The following PLEKHB1 variants were observed in gnomAD, a reference collection of about 807,000 sequenced individuals.
PLEKHB1 encodes pleckstrin homology domain containing B1.
Under a neutral mutation model 36.2 loss-of-function variants are expected in PLEKHB1, and 29 were observed. The ratio of observed to expected loss-of-function variants is 0.80; its 90% CI spans 0.60 to 1.09. The LOEUF (loss-of-function observed/expected upper bound fraction) is 1.09. PLEKHB1 is among the 50% of genes least tolerant of loss of function. The pLI, the probability that PLEKHB1 is intolerant of heterozygous loss-of-function variation, is 0.00. For missense variants in PLEKHB1, 330 were observed against 348.2 expected (o/e 0.95, Z 0.42); for synonymous variants, 138 against 140.0 (o/e 0.99, Z 0.10).
At position 73,662,140 on chromosome 11, in the gene PLEKHB1, A is replaced by G. The variant is rs1945139409; in HGVS notation, c.*538A>G. ...GTGAACGTCATGGCATGTCCAAGGA[A>G]TTAAATGGGAGTTCATTTGGGCTGG... On this transcript the variant is annotated 3_prime_UTR_variant, in exon 8 of 8. Transcript: ENST00000354190. The G allele has an allele frequency of 6.5e-6, 1 of 152,742 alleles. No individual in the cohort carries two copies. Among genetic ancestry groups the G allele is most frequent in the South Asian group, 2.1e-4 (1 of 4,846 alleles). 9.5% of individuals were successfully genotyped at this position (152,742 alleles called of 1,614,324 possible).
At chr11:73,660,322 ATCCTTCCTTTCCCT>A in intron 6 of PLEKHB1, 1 of 179,676 alleles carries the variant, frequency 5.6e-6, no homozygotes, top group Non-Finnish European at 1.2e-5. Context: ...TCTCATCCCT[ATCCTTCCTTTCCCT>A]TCCTTCCTCC....
At chr11:73,649,219 T>A in intron 2 of PLEKHB1, 132 bp downstream of exon 2, 1 of 1,149,210 alleles carries the variant, frequency 8.7e-7, no homozygotes, top group South Asian at 1.6e-5. Flanking sequence ...CTCTTCCCTC[T>A]GCCTGAAGGT....
intron 6 of PLEKHB1, 44 bp from the exon 7 acceptor site, chr11:73,660,709 G>A: frequency 6.5e-7 from 1 of 1,545,058 alleles, no homozygotes; most frequent in East Asian, 2.4e-5. Flanking sequence ...GACCAAATCC[G>A]GGCCAGGGAG....
chr11:73,650,340 G>A (rs947833945), intron 2 of PLEKHB1, among the ~76,000 whole-genome samples: 5 of 152,208 alleles, frequency 3.3e-5, no homozygotes, highest in African/African-American at 7.2e-5. Flanking sequence ...TGTTCAGCAC[G>A]TGTATCGAGC....
intron 1 of PLEKHB1, chr11:73,648,638 T>C (rs1303175695): frequency 9.9e-7 from 1 of 1,014,762 alleles, no homozygotes; most frequent in Non-Finnish European, 1.2e-6. Context: ...GTCAGGCATA[T>C]TCTAATGTTT....
Position 73,661,897 on chromosome 11 carries a change from TACG to T in PLEKHB1, c.*298_*300del, listed in dbSNP as rs1945133157. The T allele has an allele frequency of 8.3e-6, 3 of 360,474 alleles. No homozygotes were observed. Among genetic ancestry groups the T allele is most frequent in the Admixed American group, 8.5e-5 (2 of 23,466 alleles). 22.3% of individuals were successfully genotyped at this position (360,474 alleles called of 1,614,324 possible). ...TCTAAACACAACAGGGCACAGCAAA[TACG>T]ACTTCATTTGGCTTCGAGTTCCCCA... On this transcript the variant is annotated 3_prime_UTR_variant, in exon 8 of 8. Coordinates refer to ENST00000354190, the MANE Select transcript of PLEKHB1 (RefSeq NM_021200.3). This position sits in a 1 kb window ranked among gnomAD's most constrained non-coding sequence, Gnocchi z 4.6.
chr11:73,648,547 T>C (rs1944816672), intron 1 of PLEKHB1: 1 of 874,602 alleles, frequency 1.1e-6, no homozygotes, highest in South Asian at 5.2e-5. Flanking sequence ...ATTGCCGTGA[T>C]TCTAATATTC....
intron 3 of PLEKHB1, chr11:73,651,516 TCACAGCAAATCTC>T (rs1944892351): frequency 3.2e-6 from 2 of 624,062 alleles, no homozygotes; most frequent in Admixed American, 4.2e-5. Flanking sequence ...TGGCCCAGAG[TCACAGCAAATCTC>T]CACATTCCTC....
At chr11:73,652,878 C>T in intron 4 of PLEKHB1, 97 bp from the exon 5 acceptor site, 1 of 1,058,762 alleles carries the variant, frequency 9.4e-7, no homozygotes, top group African/African-American at 1.6e-5. Context: ...GAGACTTGGG[C>T]TTGAGGCTGG....
intron 1 of PLEKHB1, chr11:73,648,794 C>G (rs1033766800): frequency 1.5e-6 from 2 of 1,311,998 alleles, no homozygotes; most frequent in Admixed American, 7.0e-5. Context: ...GGTCCCCACC[C>G]CCACCCCACA....
chr11:73,661,725 C>T lies in PLEKHB1; in HGVS notation c.*123C>T. The T allele has an allele frequency of 1.6e-6, 2 of 1,283,232 alleles. No homozygotes were observed. The highest frequency in any genetic ancestry group is 2.9e-5 in the South Asian group (2 of 68,430). The allele number at this position is 1,283,232 out of a possible 1,614,324, so 79.5% of individuals were successfully genotyped here. A position where few individuals can be genotyped will look rare whatever the true frequency, so the allele number is the denominator to read the frequency against. ...GCCCTATCCTCTCCATTAGCTCCTT[C>T]CGGGTTTGGACCATTCCCCCCACTC... On this transcript the variant is annotated 3_prime_UTR_variant, in exon 8 of 8. Coordinates refer to ENST00000354190, the MANE Select transcript of PLEKHB1 (RefSeq NM_021200.3). The surrounding 1 kb of genome is among the most constrained non-coding windows in gnomAD (Gnocchi z 4.6).
At chr11:73,651,462 C>G (rs1461184325) in intron 3 of PLEKHB1, 1 of 531,316 alleles carries the variant, frequency 1.9e-6, no homozygotes, top group Admixed American at 2.2e-5. Context: ...GCGCTCGGTA[C>G]TGGATGAAGA....
intron 1 of PLEKHB1, chr11:73,647,642 C>T (rs1944793161): frequency 2.0e-6 from 2 of 985,264 alleles, no homozygotes; most frequent in African/African-American, 1.7e-5. Flanking sequence ...GCCCCAGGCT[C>T]TCCGGGGCAC....
At chr11:73,652,059 C>G in intron 4 of PLEKHB1, 169 bp downstream of exon 4, 1 of 620,948 alleles carries the variant, frequency 1.6e-6, no homozygotes, top group Non-Finnish European at 2.8e-6. Context: ...CTTGTGGTGA[C>G]TGGCATGGCA....
chr11:73,659,660 T>C (rs913540928), intron 6 of PLEKHB1, among the ~76,000 whole-genome samples: 14 of 152,172 alleles, frequency 9.2e-5, no homozygotes, highest in South Asian at 2.1e-4. Context: ...AAATTCTTCC[T>C]GAGACCAGGA....
intron 1 of PLEKHB1, chr11:73,647,561 T>C: frequency 1.0e-6 from 1 of 985,420 alleles, no homozygotes; most frequent in Non-Finnish European, 1.2e-6. Flanking sequence ...TCCCCCTCCC[T>C]GGGGTGGGCA....
In PLEKHB1 at chr11:73,661,092, C is replaced by G. The variant is rs1272152359; in HGVS notation, c.595+240C>G. Among the ~76,000 whole-genome samples the G allele has an allele frequency of 2.0e-5, 3 of 152,232 alleles. No homozygotes were observed. The highest frequency in any genetic ancestry group is 4.4e-5 in the Non-Finnish European group (3 of 68,044). On this transcript the variant is annotated intron_variant, in intron 7 of 7. Coordinates refer to ENST00000354190, the MANE Select transcript of PLEKHB1 (RefSeq NM_021200.3). This position sits in a 1 kb window ranked among gnomAD's most constrained non-coding sequence, Gnocchi z 4.6. The stretch of plus-strand genomic sequence containing the variant: ...TCCTCAGCCCTGCGGTCGGCAATAC[C>G]CATTCCTGAGCCGGTAGCGGCCCCT...
chr11:73,650,583 G>T lies in PLEKHB1; in HGVS notation c.125G>T (p.Trp42Leu). The T allele has an allele frequency of 2.5e-6, 4 of 1,613,172 alleles. No individual in the cohort carries two copies. Among genetic ancestry groups the T allele is most frequent in the Non-Finnish European group, 3.4e-6 (4 of 1,179,584 alleles). Residue 42 changes from tryptophan (W) to leucine (L), a missense_variant, in exon 3 of 8, where the codon TGG becomes TTG. By Grantham distance (61) the Trp-to-Leu change is moderately conservative. Coordinates refer to ENST00000354190, the MANE Select transcript of PLEKHB1 (RefSeq NM_021200.3). ...ATCCTCCGCCGCTGGAAGCGGAACTGGTTTGCCCTGTGGCTGGACGGGACC... is the reference window on the plus strand; with the variant it reads ...ATCCTCCGCCGCTGGAAGCGGAACTTGTTTGCCCTGTGGCTGGACGGGACC... The part of the protein sequence containing the change: ...SSILRRWKRN[W>L]FALWLDGTLG...
In PLEKHB1 at chr11:73,646,630, A is replaced by C; in HGVS notation, c.18+4A>C. ...AACCATGAGCCCTGCAGCCCCGGTA[A>C]GGAAGAGTTCTCTGGGACAGGAGGA... On this transcript the variant is annotated splice_donor_region_variant and intron_variant, in intron 1 of 7. Coordinates refer to ENST00000354190, the MANE Select transcript of PLEKHB1 (RefSeq NM_021200.3). The C allele has an allele frequency of 6.4e-7, 1 of 1,551,556 alleles. No homozygotes were observed. Among genetic ancestry groups the C allele is most frequent in the Non-Finnish European group, 8.7e-7 (1 of 1,147,000 alleles).
Sources: gnomAD v4.1 joint callset for allele counts (sites outside exome capture counted in the v4.1 genomes callset) on GRCh38, gnomAD v4.1.1 for gene constraint, Gnocchi (gnomAD v3.1) non-coding constraint, MANE v1.5 for transcripts, NCBI Gene and HGNC (gene_info 2026-07-23, HGNC 2026-07-21) for gene names.